The following GLB1 variants were observed in gnomAD, a reference collection of about 807,000 sequenced individuals.
GLB1 encodes beta-galactosidase.
A neutral mutation model predicts 74.0 loss-of-function variants in GLB1; 56 were observed. The observed-to-expected ratio is 0.76, with a 90% CI of 0.61 to 0.94. The LOEUF is 0.94. Among genes scored for constraint, GLB1 ranks in the 40% least tolerant of loss-of-function variants. The probability of loss-of-function intolerance (pLI) is 0.00; values close to 1 mark genes in which losing one functional copy is unlikely to be tolerated. For missense variants in GLB1, 787 were observed against 845.5 expected, an observed-to-expected ratio of 0.93 and a Z score of 0.86; for synonymous variants, 323 against 323.6, an observed-to-expected ratio of 1.00 and a Z score of 0.02.
intron 6 of GLB1, among the ~76,000 whole-genome samples, chr3:33,057,211 A>G (rs1226845792): frequency 6.6e-6 from 1 of 152,204 alleles, no homozygotes; most frequent in African/African-American, 2.4e-5. Flanking sequence ...CGCTCTGTCC[A>G]TGTAAGACGT....
At chr3:33,058,687 A>T (rs757955783) in intron 5 of GLB1, among the ~76,000 whole-genome samples, 7 of 152,200 alleles carry the variant, frequency 4.6e-5, no homozygotes, top group Non-Finnish European at 8.8e-5. Context: ...ATTTTAGTAT[A>T]CAGCCGTCTA....
chr3:33,055,921 G>A (rs1366036175), intron 6 of GLB1, among the ~76,000 whole-genome samples: 1 of 151,810 alleles, frequency 6.6e-6, no homozygotes, highest in African/African-American at 2.4e-5. Flanking sequence ...TAAGGTAGAA[G>A]AACCTCTTAA....
chr3:33,003,625 AAAG>A (rs1185201847), intron 15 of GLB1, among the ~76,000 whole-genome samples: 1 of 152,214 alleles, frequency 6.6e-6, no homozygotes, highest in Non-Finnish European at 1.5e-5. Flanking sequence ...ATTAGACAAA[AAAG>A]AAGTTTAACA....
At chr3:33,044,603 A>G in intron 10 of GLB1, among the ~76,000 whole-genome samples, 1 of 131,624 alleles carries the variant, frequency 7.6e-6, no homozygotes, top group South Asian at 2.8e-4. Context: ...AAGGAATAAC[A>G]TAAGCAACAT....
At chr3:33,034,360 C>A (rs1698183061) in intron 10 of GLB1, 1 of 757,634 alleles carries the variant, frequency 1.3e-6, no homozygotes, top group African/African-American at 1.7e-5. Context: ...TACCTGGAAG[C>A]CTCATAGACC....
intron 15 of GLB1, among the ~76,000 whole-genome samples, chr3:33,010,584 G>A (rs998388200): frequency 3.9e-5 from 6 of 152,124 alleles, no homozygotes; most frequent in African/African-American, 1.2e-4. Flanking sequence ...CCAGTTTGTG[G>A]CTTGGATTCT....
At chr3:33,091,866 T>G in intron 1 of GLB1, 3 of 985,360 alleles carry the variant, frequency 3.0e-6, no homozygotes, top group Non-Finnish European at 3.6e-6. Context: ...CGGGTGCTTA[T>G]CTCCATCTCA....
the GLB1 span, among the ~76,000 whole-genome samples, chr3:32,988,926 G>C: frequency 3.0e-5 from 4 of 135,262 alleles, no homozygotes; most frequent in African/African-American, 1.1e-4. Flanking sequence ...CCTTGGCATG[G>C]TAAGGTTTGG....
chr3:33,061,673 C>T (rs1456746178), intron 5 of GLB1: 4 of 152,178 alleles, frequency 2.6e-5, no homozygotes, highest in Non-Finnish European at 5.9e-5. Flanking sequence ...TGTTGATCTT[C>T]CAAACAGTCA....
intron 10 of GLB1, chr3:33,045,737 A>G (rs1177872230): frequency 1.7e-6 from 2 of 1,152,154 alleles, no homozygotes; most frequent in African/African-American, 1.6e-5. Flanking sequence ...GGATCTGTGC[A>G]TTCTCTCCCA....
chr3:32,987,693 C>G, the GLB1 span, among the ~76,000 whole-genome samples: 1 of 152,102 alleles, frequency 6.6e-6, no homozygotes, highest in Non-Finnish European at 1.5e-5. Flanking sequence ...GATAGTATCT[C>G]AATACTCTTT....
At chr3:33,021,738 A>T in intron 11 of GLB1, 83 bp from the exon 12 acceptor site, 1 of 1,495,420 alleles carries the variant, frequency 6.7e-7, no homozygotes, top group Non-Finnish European at 9.1e-7. Context: ...ATTATCAAAG[A>T]CATCAGTGGG....
At chr3:33,008,240 G>A (rs1428181660) in intron 15 of GLB1, among the ~76,000 whole-genome samples, 2 of 152,170 alleles carry the variant, frequency 1.3e-5, no homozygotes, top group East Asian at 1.9e-4. Flanking sequence ...AAGATCCAGG[G>A]AGGGCTTTCT....
chr3:33,038,345 AG>A (rs1483408461), intron 10 of GLB1, among the ~76,000 whole-genome samples: 2 of 152,248 alleles, frequency 1.3e-5, no homozygotes, highest in African/African-American at 4.8e-5. Context: ...TGTGCTCTGA[AG>A]GTTAACACCT....
chr3:33,012,491 T>C (rs1412650805), intron 15 of GLB1, among the ~76,000 whole-genome samples: 1 of 152,166 alleles, frequency 6.6e-6, no homozygotes, highest in Non-Finnish European at 1.5e-5. Context: ...GTGCTGTCTA[T>C]GATGAAGTAG....
intron 10 of GLB1, chr3:33,030,796 T>TA (rs1392519641): frequency 1.0e-6 from 1 of 985,310 alleles, no homozygotes; most frequent in East Asian, 1.1e-4. Flanking sequence ...GCGGAACTCT[T>TA]ACGTTGATGG....
chr3:32,981,410 AAAAAAAGAAAAAG>A, the GLB1 span, among the ~76,000 whole-genome samples: 1 of 148,350 alleles, frequency 6.7e-6, no homozygotes, highest in Middle Eastern at 3.5e-3. Flanking sequence ...AAAAAAAAAA[AAAAAAAGAAAAAG>A]AAAAAGAAAA....
chr3:33,058,950 C>T (rs553476853), intron 5 of GLB1, among the ~76,000 whole-genome samples: 5 of 152,260 alleles, frequency 3.3e-5, no homozygotes, highest in East Asian at 1.9e-4. Context: ...CAACCAGGAG[C>T]TCTTTAGCCC....
intron 15 of GLB1, among the ~76,000 whole-genome samples, chr3:33,011,638 C>CAAAAAAAA (rs11342344): frequency 1.2e-5 from 1 of 84,100 alleles, no homozygotes; most frequent in Non-Finnish European, 2.2e-5. Context: ...GAGTCCATCT[C>CAAAAAAAA]AAAAAAAAAA....
Sources: gnomAD v4.1 joint callset for allele counts (sites outside exome capture counted in the v4.1 genomes callset) on GRCh38, gnomAD v4.1.1 for gene constraint, MANE v1.5 for transcripts, NCBI Gene and HGNC (gene_info 2026-07-23, HGNC 2026-07-21) for gene names.